Variants in MYRIP observed in about 807,000 individuals in gnomAD.
The protein encoded by MYRIP is myosin VIIA and Rab interacting protein.
In MYRIP, 49 loss-of-function variants were observed where a neutral mutation model predicts 98.0. That is an observed-to-expected ratio of 0.50 (90% confidence interval 0.40 to 0.63). The LOEUF (loss-of-function observed/expected upper bound fraction) is 0.63, where lower values mean the gene tolerates loss of function less well. MYRIP is among the 30% of genes least tolerant of loss of function. The pLI is 0.00. For missense variants in MYRIP, 1,004 were observed against 1,058.2 expected (o/e 0.95, Z 0.71); for synonymous variants, 404 against 409.5 (o/e 0.99, Z 0.16).
At chr3:40,204,453 A>G (rs1476089054) in intron 10 of MYRIP, among the ~76,000 whole-genome samples, 1 of 150,822 alleles carries the variant, frequency 6.6e-6, no homozygotes, top group African/African-American at 2.4e-5. Flanking sequence ...AAGTGCTGGG[A>G]TTACAGGCCT....
intron 4 of MYRIP, among the ~76,000 whole-genome samples, chr3:40,160,874 G>A (rs887056966): frequency 3.3e-5 from 5 of 152,098 alleles, no homozygotes; most frequent in South Asian, 2.1e-4. Context: ...CACACGGTGC[G>A]CACACCCACT....
intron 2 of MYRIP, among the ~76,000 whole-genome samples, chr3:39,931,948 G>T (rs1310674865): frequency 2.6e-5 from 4 of 152,052 alleles, no homozygotes; most frequent in Non-Finnish European, 5.9e-5. Flanking sequence ...TATTCGTAAG[G>T]AATATTGGTC....
At chr3:40,039,566 C>T (rs957121738) in intron 2 of MYRIP, among the ~76,000 whole-genome samples, 5 of 151,924 alleles carry the variant, frequency 3.3e-5, no homozygotes, top group Non-Finnish European at 5.9e-5. Flanking sequence ...GAACAAAAGG[C>T]CCATTGGAGT....
At chr3:39,979,987 A>T (rs1219442459) in intron 2 of MYRIP, among the ~76,000 whole-genome samples, 1 of 152,252 alleles carries the variant, frequency 6.6e-6, no homozygotes, top group East Asian at 1.9e-4. Context: ...ACAGGAGCTC[A>T]CATGCCAATG....
intron 2 of MYRIP, among the ~76,000 whole-genome samples, chr3:39,963,959 C>G (rs979692537): frequency 2.6e-5 from 4 of 152,094 alleles, no homozygotes; most frequent in Non-Finnish European, 5.9e-5. Flanking sequence ...AATTTTAAAA[C>G]TCAGTATTAA....
At chr3:39,884,773 C>T (rs1239453298) in intron 1 of MYRIP, among the ~76,000 whole-genome samples, 1 of 150,616 alleles carries the variant, frequency 6.6e-6, no homozygotes, top group Middle Eastern at 3.4e-3. Flanking sequence ...TTAACAGCCA[C>T]ATATTTTTCC....
chr3:40,111,331 T>G (rs1949153930), intron 3 of MYRIP, among the ~76,000 whole-genome samples: 1 of 152,212 alleles, frequency 6.6e-6, no homozygotes, highest in African/African-American at 2.4e-5. Context: ...CTTGATCAGC[T>G]TCTTCAACAA....
chr3:39,987,735 T>C (rs1946067449), intron 2 of MYRIP, among the ~76,000 whole-genome samples: 1 of 152,246 alleles, frequency 6.6e-6, no homozygotes, highest in South Asian at 2.1e-4. Flanking sequence ...TCTTTGATGA[T>C]CAGTGATGTT....
chr3:40,036,214 A>G (rs564995368), intron 2 of MYRIP, among the ~76,000 whole-genome samples: 4 of 149,674 alleles, frequency 2.7e-5, no homozygotes, highest in Non-Finnish European at 5.9e-5. Context: ...AAAATTTAAA[A>G]ATTCTTAAAA....
In MYRIP at chr3:39,816,739, A is replaced by G. The variant is rs553646554; in HGVS notation, c.-31+6823A>G. ...TAAACTAAGTGTGTTAATATAAAAC[A>G]TAATAATTATAGAAATATAGGCAAA... On this transcript the variant is annotated intron_variant, in intron 1 of 16. Transcript: ENST00000302541. 3.9e-5 allele frequency among the ~76,000 whole-genome samples: 6 copies of G among 152,368 alleles called. No homozygotes were observed. In the East Asian group the frequency reaches 1.2e-3, roughly 29 times the overall value.
chr3:40,139,737 AC>A (rs1360750909), intron 3 of MYRIP, among the ~76,000 whole-genome samples: 1 of 151,850 alleles, frequency 6.6e-6, no homozygotes, highest in Non-Finnish European at 1.5e-5. Flanking sequence ...ATGCTACCAC[AC>A]CCAGTTAATT....
At chr3:39,812,504 G>GAC (rs1281466933) in intron 1 of MYRIP, among the ~76,000 whole-genome samples, 1 of 152,206 alleles carries the variant, frequency 6.6e-6, no homozygotes, top group African/African-American at 2.4e-5. Context: ...TAACAGTGCT[G>GAC]ACATTGGTCA....
chr3:39,920,403 C>A (rs1379713492), intron 2 of MYRIP, among the ~76,000 whole-genome samples: 1 of 152,114 alleles, frequency 6.6e-6, no homozygotes, highest in Non-Finnish European at 1.5e-5. Context: ...ATTGTTTAGA[C>A]CTTAGATGTT....
At chr3:40,243,063 C>T (rs763123438) in intron 12 of MYRIP, among the ~76,000 whole-genome samples, 4 of 152,154 alleles carry the variant, frequency 2.6e-5, no homozygotes, top group Admixed American at 6.5e-5. Flanking sequence ...AACAGAATTA[C>T]ATATTCAGCA....
At chr3:40,140,845 A>G (rs1271415560) in intron 3 of MYRIP, among the ~76,000 whole-genome samples, 1 of 152,178 alleles carries the variant, frequency 6.6e-6, no homozygotes, top group African/African-American at 2.4e-5. Flanking sequence ...GGCAGTGCAT[A>G]ATAATCATGT....
At chr3:39,981,531 C>G (rs1393872359) in intron 2 of MYRIP, among the ~76,000 whole-genome samples, 1 of 152,130 alleles carries the variant, frequency 6.6e-6, no homozygotes, top group African/African-American at 2.4e-5. Context: ...AAATCTGGCT[C>G]TGTCAAAATA....
chr3:40,092,866 G>C (rs1477295568), intron 3 of MYRIP, among the ~76,000 whole-genome samples: 1 of 152,162 alleles, frequency 6.6e-6, no homozygotes, highest in Non-Finnish European at 1.5e-5. Flanking sequence ...CTAGAAGCTA[G>C]TCTGTCTTCT....
At chr3:39,973,643 T>C (rs920935974) in intron 2 of MYRIP, among the ~76,000 whole-genome samples, 5 of 152,048 alleles carry the variant, frequency 3.3e-5, no homozygotes, top group Non-Finnish European at 7.4e-5. Flanking sequence ...ATTGGCCACA[T>C]AGTTGGAAGT....
chr3:39,960,608 G>A (rs992774363), intron 2 of MYRIP, among the ~76,000 whole-genome samples: 5 of 152,092 alleles, frequency 3.3e-5, no homozygotes, highest in South Asian at 2.1e-4. Context: ...TATTTCTACA[G>A]TTAAACTAGC....
Sources: allele counts gnomAD v4.1 joint callset (sites outside exome capture counted in the v4.1 genomes callset), GRCh38; gene constraint gnomAD v4.1.1; transcripts MANE v1.5; gene names NCBI Gene and HGNC (gene_info 2026-07-23, HGNC 2026-07-21).